Variants in CDC42BPB observed in about 807,000 individuals in gnomAD.
CDC42BPB encodes the protein serine/threonine-protein kinase MRCK beta.
Under a neutral mutation model 214.9 loss-of-function variants are expected in CDC42BPB, and 37 were observed. That is an observed-to-expected ratio of 0.17 (90% CI 0.13 to 0.23). CDC42BPB has a LOEUF of 0.23. Ranked by LOEUF, CDC42BPB falls within the 10% of genes least tolerant of loss-of-function variation. The probability of loss-of-function intolerance (pLI) is 1.00; values close to 1 mark genes in which losing one functional copy is unlikely to be tolerated. For missense variants in CDC42BPB, 1,694 were observed against 2,227.0 expected, an observed-to-expected ratio of 0.76 and a Z score of 4.82; for synonymous variants, 931 against 884.0, an observed-to-expected ratio of 1.05 and a Z score of -0.94.
rs117808248 is a variant in CDC42BPB, at chr14:103,032,590, T to C, written c.176-20402A>G. Among the ~76,000 whole-genome samples the C allele has an allele frequency of 4.0e-4, 59 of 146,838 alleles. 2 individuals carry two copies. The East Asian group carries it at 8.3e-3, about 21-fold the overall frequency. On this transcript the variant is annotated intron_variant, in intron 1 of 36. Coordinates refer to ENST00000361246, the MANE Select transcript of CDC42BPB (RefSeq NM_006035.4). ...AAAGAGCTTACAGATTAAAAGAGAT[T>C]AAGGAGGTGTACAATCCAAATGCCT...
rs754918416 is a variant in CDC42BPB at position 102,964,594 on chromosome 14, C to T, written c.2634G>A (p.Glu878=). The T allele has an allele frequency of 1.2e-6, 2 of 1,613,952 alleles. No homozygotes were observed. The highest frequency in any genetic ancestry group is 2.2e-5 in the South Asian group (2 of 91,068). The change falls in exon 19 of 37, where the codon GAG becomes GAA. Residue 878 remains glutamate, a synonymous_variant. Transcript: ENST00000361246. ...TCTCCGCCTCCAGGGCCGACTGCAGCTCCAGCCGCGCGGACATGTCCAGCT... is the reference window on the plus strand; with the variant it reads ...TCTCCGCCTCCAGGGCCGACTGCAGTTCCAGCCGCGCGGACATGTCCAGCT... ...SQKLDMSARL[E]LQSALEAEIR...
At chr14:102,946,234 A>G (rs894407402) in intron 28 of CDC42BPB, among the ~76,000 whole-genome samples, 2 of 152,030 alleles carry the variant, frequency 1.3e-5, no homozygotes, top group South Asian at 4.2e-4. Context: ...CGTGTTAGCC[A>G]GGATGGTCTC....
At chr14:102,933,958 C>T in intron 36 of CDC42BPB, 115 bp from the exon 37 acceptor site, 4 of 1,413,886 alleles carry the variant, frequency 2.8e-6, no homozygotes, top group Non-Finnish European at 1.8e-6. Context: ...GCTCTTCTCC[C>T]TTCATGTTAT....
chr14:102,976,123 G>A (rs1049694649), intron 9 of CDC42BPB, 74 bp from the exon 10 acceptor site: 58 of 1,570,906 alleles, frequency 3.7e-5, no homozygotes, highest in Non-Finnish European at 4.7e-5. Flanking sequence ...CAATCTTCCT[G>A]AGGTGAAAGA....
intron 2 of CDC42BPB, 84 bp downstream of exon 2, chr14:103,012,013 T>C (rs756085160): frequency 5.9e-6 from 5 of 852,538 alleles, no homozygotes; most frequent in Non-Finnish European, 4.1e-6. Context: ...CCCAAACCAA[T>C]GTATAGGTGC....
chr14:102,949,258 G>A (rs1892367348), intron 26 of CDC42BPB, among the ~76,000 whole-genome samples: 1 of 152,144 alleles, frequency 6.6e-6, no homozygotes, highest in East Asian at 1.9e-4. Flanking sequence ...AAGAGGAAGT[G>A]GGAAGGAGGC....
intron 5 of CDC42BPB, among the ~76,000 whole-genome samples, chr14:102,991,619 T>C (rs930189257): frequency 2.0e-5 from 3 of 152,150 alleles, no homozygotes; most frequent in Non-Finnish European, 4.4e-5. Context: ...AGCTTATTCT[T>C]AGATGGGTGA....
rs532508427 is a variant in CDC42BPB at position 103,001,514 on chromosome 14, G to A, written c.448-1801C>T. Among the ~76,000 whole-genome samples, 9 of 152,322 alleles carry A rather than the reference G, an allele frequency of 5.9e-5. No homozygotes were observed. The South Asian group carries it at 1.9e-3, about 32-fold the overall frequency. On this transcript the variant is annotated intron_variant, in intron 4 of 36. Transcript: ENST00000361246. This position sits in a 1 kb window ranked among gnomAD's most constrained non-coding sequence, Gnocchi z 5.8. ...AGCGGCTAGGAGGAAAGTGGCAGCG[G>A]CACCCTGGAGCCTGCCAAAAGGGGA... is the stretch of plus-strand genomic sequence containing the variant.
At chr14:102,959,567 A>G in intron 21 of CDC42BPB, 64 bp downstream of exon 21, 1 of 1,125,480 alleles carries the variant, frequency 8.9e-7, no homozygotes, top group Non-Finnish European at 1.3e-6. Flanking sequence ...GTAAAATCAT[A>G]TATGACACTA....
chr14:102,985,926 G>T (rs1172590773), intron 6 of CDC42BPB, among the ~76,000 whole-genome samples: 1 of 152,234 alleles, frequency 6.6e-6, no homozygotes, highest in Non-Finnish European at 1.5e-5. Flanking sequence ...CAGGGCCTGT[G>T]GCCTGAGCCT....
rs113251315 is a variant in CDC42BPB, at chr14:103,001,373, G to T, written c.448-1660C>A. On this transcript the variant is annotated intron_variant, in intron 4 of 36. Transcript: ENST00000361246. This position sits in a 1 kb window ranked among gnomAD's most constrained non-coding sequence, Gnocchi z 5.8. ...AGACCGTGGCCAGCATGGAGAGCAG[G>T]CAGTGGTGAGCGCCAGCTGACCGCA... Among the ~76,000 whole-genome samples, 302 of 152,326 alleles carry T rather than the reference G, an allele frequency of 2.0e-3. 2 individuals carry two copies. Among genetic ancestry groups the T allele is most frequent in the African/African-American group, 6.9e-3 (287 of 41,578 alleles).
At chr14:102,959,548 C>T in intron 21 of CDC42BPB, 83 bp downstream of exon 21, 1 of 919,080 alleles carries the variant, frequency 1.1e-6, no homozygotes, top group Admixed American at 2.4e-5. Flanking sequence ...GTTTGTGGCC[C>T]CATGAGTGGT....
At chr14:102,971,861 T>C in intron 13 of CDC42BPB, 58 bp downstream of exon 13, 1 of 1,549,210 alleles carries the variant, frequency 6.5e-7, no homozygotes, top group Admixed American at 1.8e-5. Flanking sequence ...CAAAGACGTT[T>C]TATAAAAGTC....
chr14:102,963,217 G>A (rs920158457), intron 19 of CDC42BPB, 62 bp from the exon 20 acceptor site: 14 of 1,550,800 alleles, frequency 9.0e-6, no homozygotes, highest in Non-Finnish European at 1.0e-5. Context: ...AGCTGGTATG[G>A]GGCAGGTCAG....
rs558927375 is a variant in CDC42BPB, at chr14:102,962,838, C to T, written c.2821+223G>A. 3.3e-5 allele frequency among the ~76,000 whole-genome samples: 5 copies of T among 151,966 alleles called. No homozygotes were observed. The South Asian group carries it at 8.3e-4, about 25-fold the overall frequency. On this transcript the variant is annotated intron_variant, in intron 20 of 36. Coordinates refer to ENST00000361246, the MANE Select transcript of CDC42BPB (RefSeq NM_006035.4). Reference sequence around the variant, plus strand: ...TTGCACTCCAGCCTGGGTGACACAGCGAGACTGTCTCAAAAAAAAAGGAAG... The same window carrying T: ...TTGCACTCCAGCCTGGGTGACACAGTGAGACTGTCTCAAAAAAAAAGGAAG...
At chr14:102,996,253 T>C (rs1012671448) in intron 5 of CDC42BPB, among the ~76,000 whole-genome samples, 11 of 152,114 alleles carry the variant, frequency 7.2e-5, no homozygotes, top group Non-Finnish European at 1.2e-4. Context: ...GGCAGGAGAA[T>C]GGCGTGAACC....
chr14:102,939,507 C>T, intron 34 of CDC42BPB, 103 bp downstream of exon 34: 2 of 824,550 alleles, frequency 2.4e-6, no homozygotes, highest in South Asian at 1.5e-5. Flanking sequence ...ACAGCGCCAG[C>T]CTCGCAGGCA....
intron 1 of CDC42BPB, among the ~76,000 whole-genome samples, chr14:103,012,972 T>C (rs1368202186): frequency 1.3e-5 from 2 of 152,218 alleles, no homozygotes; most frequent in East Asian, 1.9e-4. Flanking sequence ...TGACGTGCTG[T>C]TGTCATGTTC....
chr14:102,936,723 G>A (rs1424351699), intron 36 of CDC42BPB, among the ~76,000 whole-genome samples: 2 of 152,326 alleles, frequency 1.3e-5, no homozygotes, highest in African/African-American at 4.8e-5. Context: ...GAACTCCTCA[G>A]GCCATCCTTC....
Sources: gnomAD v4.1 joint callset for allele counts (sites outside exome capture counted in the v4.1 genomes callset) on GRCh38, gnomAD v4.1.1 for gene constraint, Gnocchi (gnomAD v3.1) non-coding constraint, MANE v1.5 for transcripts, NCBI Gene and HGNC (gene_info 2026-07-23, HGNC 2026-07-21) for gene names.